SRP19: variants seen among roughly 807,000 people sequenced by gnomAD.
SRP19 encodes signal recognition particle 19 kDa protein.
In SRP19, 11 loss-of-function variants were observed where a neutral mutation model predicts 22.4. The observed-to-expected ratio is 0.49, with a 90% CI of 0.31 to 0.81. SRP19 has a LOEUF of 0.81. SRP19 is among the 40% of genes least tolerant of loss of function. The probability of loss-of-function intolerance (pLI) is 0.05; values close to 1 mark genes in which losing one functional copy is unlikely to be tolerated. For synonymous variants in SRP19, 61 were observed against 57.6 expected (o/e 1.06, Z -0.27); for missense variants, 168 against 175.9 (o/e 0.96, Z 0.25).
intron 4 of SRP19, among the ~76,000 whole-genome samples, chr5:112,886,114 A>G (rs373509741): frequency 3.9e-4 from 59 of 152,350 alleles, no homozygotes; most frequent in African/African-American, 1.3e-3. Flanking sequence ...GGAGTGATCC[A>G]ATACTGTTGC....
chr5:112,865,389 C>T (rs1275189279), intron 4 of SRP19, among the ~76,000 whole-genome samples: 3 of 152,032 alleles, frequency 2.0e-5, no homozygotes, highest in South Asian at 2.1e-4. Flanking sequence ...AATAGCAAAA[C>T]GACATCAATA....
At chr5:112,881,958 G>C (rs1472603236) in intron 4 of SRP19, 2 of 149,156 alleles carry the variant, frequency 1.3e-5, no homozygotes, top group Non-Finnish European at 3.0e-5. Context: ...TTTTTGTAGA[G>C]ACTGGGTTTC....
At chr5:112,874,837 G>A (rs139142641) in intron 4 of SRP19, among the ~76,000 whole-genome samples, 5 of 150,144 alleles carry the variant, frequency 3.3e-5, no homozygotes, top group South Asian at 2.1e-4. Flanking sequence ...TGCAAATGGC[G>A]TGATCTCGGC....
At chr5:112,872,580 T>C (rs1322270106), downstream of SRP19, among the ~76,000 whole-genome samples, 1 of 152,124 alleles carries the variant, frequency 6.6e-6, no homozygotes, top group Non-Finnish European at 1.5e-5. Flanking sequence ...CCGCACACCT[T>C]GGCCTCCCAA....
rs111722840 is a variant in SRP19 at position 112,868,385 on chromosome 5, A to AT, written c.*856dup. ...CTATCTCATATTTTCAGTAAATTCC[A>AT]TTTTTTTTAAGTTTGTTTGTTTGTT... On this transcript the variant is annotated 3_prime_UTR_variant, in exon 5 of 5. Coordinates refer to ENST00000505459, the MANE Select transcript of SRP19 (RefSeq NM_003135.3). 7.3e-5 allele frequency: 73 copies of AT among 1,001,840 alleles called. No individual in the cohort carries two copies. The highest frequency in any genetic ancestry group is 1.9e-4 in the African/African-American group (11 of 57,522). 62.1% of individuals were successfully genotyped at this position (1,001,840 alleles called of 1,614,324 possible).
In SRP19 at chr5:112,867,620, C is replaced by T. The variant is rs1013609693; in HGVS notation, c.*83C>T. The T allele has an allele frequency of 4.2e-6, 6 of 1,413,740 alleles. No homozygotes were observed. The highest frequency in any genetic ancestry group is 5.6e-6 in the Non-Finnish European group (6 of 1,078,974). The allele number at this position is 1,413,740 out of a possible 1,614,324, so 87.6% of individuals were successfully genotyped here. A position where few individuals can be genotyped will look rare whatever the true frequency, so the allele number is the denominator to read the frequency against. On this transcript the variant is annotated 3_prime_UTR_variant, in exon 5 of 5. Coordinates refer to ENST00000505459, the MANE Select transcript of SRP19 (RefSeq NM_003135.3). ...AATTTGTATCGGAGGGAAACAGAAG[C>T]TTTTTGTTTGCATCATTTAACTGAA...
intron 4 of SRP19, among the ~76,000 whole-genome samples, chr5:112,882,345 C>T (rs1251297847): frequency 3.3e-5 from 5 of 152,158 alleles, no homozygotes; most frequent in Admixed American, 6.6e-5. Context: ...GGAGTATTCC[C>T]GCTATTATCC....
intron 4 of SRP19, 120 bp from the exon 5 acceptor site, chr5:112,867,284 A>T (rs1580716375): frequency 1.6e-6 from 2 of 1,245,300 alleles, no homozygotes; most frequent in East Asian, 2.4e-5. Context: ...TTGATTTTTT[A>T]AAAAAGTTAT....
intron 4 of SRP19, among the ~76,000 whole-genome samples, chr5:112,891,034 A>G (rs1218510482): frequency 6.6e-6 from 1 of 150,750 alleles, no homozygotes; most frequent in Non-Finnish European, 1.5e-5. Flanking sequence ...AGTAGGGGAA[A>G]GCAAATCCTA....
Position 112,862,230 on chromosome 5 carries a change from A to G in SRP19, c.42-278A>G, listed in dbSNP as rs1226145994. On this transcript the variant is annotated intron_variant, in intron 1 of 4. Transcript: ENST00000505459. ...ATTTTCTAGGGTTTAAATACCCTCT[A>G]GACGTTTCCCATTGACCTGTGCCAG... 9 of 482,282 alleles carry G rather than the reference A, an allele frequency of 1.9e-5. No individual in the cohort carries two copies. The East Asian group carries it at 3.2e-4, about 17-fold the overall frequency. 29.9% of individuals were successfully genotyped at this position (482,282 alleles called of 1,614,324 possible).
At chr5:112,871,641 C>T (rs1767762561), downstream of SRP19, among the ~76,000 whole-genome samples, 1 of 151,660 alleles carries the variant, frequency 6.6e-6, no homozygotes, top group Non-Finnish European at 1.5e-5. Flanking sequence ...GCCTGTAATC[C>T]CAGCTACTCG....
intron 4 of SRP19, 65 bp downstream of exon 4, chr5:112,864,797 G>C (rs1434433300): frequency 1.6e-6 from 2 of 1,275,442 alleles, no homozygotes; most frequent in Non-Finnish European, 2.2e-6. Context: ...CACAAAAAAG[G>C]TTCTAAAACT....
rs575112514 is a variant in SRP19 at position 112,861,307 on chromosome 5, AGCCGGGTTCCTCCCGGGTTTCT to A, written c.-61_-40del. On this transcript the variant is annotated 5_prime_UTR_variant, in exon 1 of 5. Coordinates refer to ENST00000505459, the MANE Select transcript of SRP19 (RefSeq NM_003135.3). ...AAAGCGGGCTGTCTCGGAAACTCAGAGCCGGGTTCCTCCCGGGTTTCTGCCGGGTTTCTCCCTGCGGCTCCTG... is the reference window on the plus strand; with the variant it reads ...AAAGCGGGCTGTCTCGGAAACTCAGAGCCGGGTTTCTCCCTGCGGCTCCTG... The A allele has an allele frequency of 5.6e-5, 89 of 1,585,314 alleles. No individual in the cohort carries two copies. In the South Asian group the frequency reaches 7.5e-4, roughly 13 times the overall value.
chr5:112,877,519 C>T (rs1767934452), intron 4 of SRP19: 1 of 152,142 alleles, frequency 6.6e-6, no homozygotes. Context: ...TAGTCATGTG[C>T]AGCTTATCAA....
chr5:112,892,251 C>A, exon 5 of SRP19: 1 of 1,614,060 alleles, frequency 6.2e-7, no homozygotes, highest in Non-Finnish European at 8.5e-7. Flanking sequence ...CTAGTCCTAC[C>A]CTTCTTATTA....
At chr5:112,873,435 C>T (rs1408135045), downstream of SRP19, among the ~76,000 whole-genome samples, 1 of 150,836 alleles carries the variant, frequency 6.6e-6, no homozygotes, top group Admixed American at 6.6e-5. Context: ...CAACCTCTGC[C>T]TCCTGGGTTC....
At position 112,864,478 on chromosome 5, in the gene SRP19, A is replaced by G. The variant is rs981867926; in HGVS notation, c.139A>G (p.Thr47Ala). 7 of 1,613,748 alleles carry G rather than the reference A, an allele frequency of 4.3e-6. No individual in the cohort carries two copies. In the East Asian group the frequency reaches 6.7e-5, roughly 15 times the overall value. ...ISKAVENPTA[T>A]EIQDVCSAVG... Reference sequence around the variant, plus strand: ...TCAGGCTGTTGAAAATCCTACAGCTACAGAGATTCAAGATGTATGTTCAGC... The same window carrying G: ...TCAGGCTGTTGAAAATCCTACAGCTGCAGAGATTCAAGATGTATGTTCAGC... The change falls in exon 3 of 5, where the codon ACA (threonine) becomes GCA (alanine). Residue 47 changes from threonine to alanine, a missense_variant. By Grantham distance (58) the Thr-to-Ala change is moderately conservative. Coordinates refer to ENST00000505459, the MANE Select transcript of SRP19 (RefSeq NM_003135.3).
downstream of SRP19, chr5:112,896,063 T>A (rs1768670576): frequency 6.5e-6 from 1 of 152,676 alleles, no homozygotes; most frequent in South Asian, 2.1e-4. Flanking sequence ...GGGGTATGCT[T>A]AACATGCAGT....
chr5:112,868,413 T>A lies in SRP19; in HGVS notation c.*876T>A, dbSNP rs1767678547. On this transcript the variant is annotated 3_prime_UTR_variant, in exon 5 of 5. Transcript: ENST00000505459. ...TTTTTTAAGTTTGTTTGTTTGTTTG[T>A]TTTTGAGATGGAGTTTCACTCTTGT... 1 of 999,494 alleles carries A rather than the reference T, an allele frequency of 1.0e-6. No homozygotes were observed. 61.9% of individuals were successfully genotyped at this position (999,494 alleles called of 1,614,324 possible).
Sources: gnomAD v4.1 joint callset for allele counts (sites outside exome capture counted in the v4.1 genomes callset) on GRCh38, gnomAD v4.1.1 for gene constraint, MANE v1.5 for transcripts, NCBI Gene and HGNC (gene_info 2026-07-23, HGNC 2026-07-21) for gene names.